Variants in CCBE1 observed in about 807,000 individuals in gnomAD.
The protein encoded by CCBE1 is collagen and calcium binding EGF domains 1.
A neutral mutation model predicts 50.0 loss-of-function variants in CCBE1; 37 were observed. The ratio of observed to expected loss-of-function variants is 0.74; its 90% CI spans 0.57 to 0.97. CCBE1 has a LOEUF of 0.97. Ranked by LOEUF, CCBE1 falls within the 50% of genes least tolerant of loss-of-function variation. CCBE1 has a pLI of 0.00. For missense variants in CCBE1, 538 were observed against 523.8 expected (o/e 1.03, Z -0.26); for synonymous variants, 234 against 203.7 (o/e 1.15, Z -1.27).
In CCBE1 at chr18:59,655,085, CA is replaced by C. The variant is rs10646215; in HGVS notation, c.212+41543del. On this transcript the variant is annotated intron_variant, in intron 2 of 10. Coordinates refer to ENST00000439986, the MANE Select transcript of CCBE1 (RefSeq NM_133459.4). ...CTGGGCGACACCACTGAGACTATGTCAAAAAAAAAAAAAAAGCCCAGAGAAA... is the reference window on the plus strand; with the variant it reads ...CTGGGCGACACCACTGAGACTATGTCAAAAAAAAAAAAAAGCCCAGAGAAA... Among the ~76,000 whole-genome samples, 1,129 of 122,644 alleles carry C rather than the reference CA, an allele frequency of 9.2e-3. 10 individuals are homozygous for C. Among genetic ancestry groups the C allele is most frequent in the African/African-American group, 0.03 (944 of 31,930 alleles). 80.5% of individuals were successfully genotyped at this position (122,644 alleles called of 152,430 possible).
chr18:59,696,349 A>G (rs2054803551), intron 2 of CCBE1: 1 of 672,566 alleles, frequency 1.5e-6, no homozygotes, highest in East Asian at 3.9e-5. Flanking sequence ...ATCCAATCCA[A>G]TCTCCTTCAC....
At chr18:59,528,323 T>C (rs764741718) in intron 2 of CCBE1, among the ~76,000 whole-genome samples, 6 of 151,766 alleles carry the variant, frequency 4.0e-5, no homozygotes, top group Non-Finnish European at 8.8e-5. Context: ...ATCAGATCAT[T>C]TATGTTCCCA....
chr18:59,664,278 G>C (rs1314676311), intron 2 of CCBE1, among the ~76,000 whole-genome samples: 1 of 152,110 alleles, frequency 6.6e-6, no homozygotes. Flanking sequence ...TAGAGGTTAG[G>C]TTTCAACATG....
chr18:59,504,832 C>G (rs1464436085), intron 2 of CCBE1, among the ~76,000 whole-genome samples: 1 of 152,160 alleles, frequency 6.6e-6, no homozygotes, highest in Non-Finnish European at 1.5e-5. Flanking sequence ...AAGCCAAGCA[C>G]ACAGCGACCT....
At chr18:59,620,134 C>A (rs1314024356) in intron 2 of CCBE1, among the ~76,000 whole-genome samples, 2 of 152,156 alleles carry the variant, frequency 1.3e-5, no homozygotes, top group Non-Finnish European at 2.9e-5. Flanking sequence ...GAAAAAGAGA[C>A]ACAGTTTTCC....
intron 2 of CCBE1, among the ~76,000 whole-genome samples, chr18:59,594,065 C>G (rs184428960): frequency 6.6e-6 from 1 of 152,352 alleles, no homozygotes; most frequent in African/African-American, 2.4e-5. Flanking sequence ...GTTTGCTTCA[C>G]CAGCAAGCCA....
intron 2 of CCBE1, among the ~76,000 whole-genome samples, chr18:59,571,785 A>C (rs570662416): frequency 4.6e-5 from 7 of 152,340 alleles, no homozygotes; most frequent in Admixed American, 2.6e-4. Context: ...CAGAAGAGTC[A>C]TTCTCTCAAA....
In CCBE1 at chr18:59,558,108, C is replaced by T. The variant is rs141834533; in HGVS notation, c.213-77870G>A. ...TCTCCTTTCTAAGGGATTGTCAAGG[C>T]CCCTTTCTTAACATCATTCGCAATT... On this transcript the variant is annotated intron_variant, in intron 2 of 10. Transcript: ENST00000439986. 5.2e-4 allele frequency among the ~76,000 whole-genome samples: 79 copies of T among 152,290 alleles called. 1 individual carries two copies. The highest frequency in any genetic ancestry group is 3.9e-4 in the Admixed American group (6 of 15,306).
chr18:59,454,820 G>T, intron 6 of CCBE1, 31 bp downstream of exon 6: 1 of 1,565,184 alleles, frequency 6.4e-7, no homozygotes, highest in Non-Finnish European at 8.8e-7. Context: ...CTTCCATCAG[G>T]CATCATCGTT....
chr18:59,651,133 G>T (rs2054121785), intron 2 of CCBE1, among the ~76,000 whole-genome samples: 1 of 152,238 alleles, frequency 6.6e-6, no homozygotes, highest in Non-Finnish European at 1.5e-5. Context: ...TTCTTCAAAG[G>T]TATGAATAGA....
intron 2 of CCBE1, among the ~76,000 whole-genome samples, chr18:59,615,691 C>A (rs889021450): frequency 1.1e-4 from 16 of 152,116 alleles, no homozygotes; most frequent in African/African-American, 3.9e-4. Flanking sequence ...CTGCCTCGTT[C>A]CATAAGGTAT....
chr18:59,600,975 T>C (rs2053420244), intron 2 of CCBE1, among the ~76,000 whole-genome samples: 1 of 149,214 alleles, frequency 6.7e-6, no homozygotes, highest in Admixed American at 6.7e-5. Context: ...CATTCTGTAC[T>C]ATGGATAGGG....
intron 2 of CCBE1, among the ~76,000 whole-genome samples, chr18:59,513,654 G>A (rs568017969): frequency 6.6e-6 from 1 of 152,338 alleles, no homozygotes; most frequent in East Asian, 1.9e-4. Flanking sequence ...ATCTCGAGGT[G>A]ACAGAGAAGA....
chr18:59,631,080 G>A lies in CCBE1; in HGVS notation c.212+65549C>T, dbSNP rs562069812. ...GATGACTTTTCCTGTCATCTCATGC[G>A]ATTCAGGTGGTCCCATGACCTAGAT... On this transcript the variant is annotated intron_variant, in intron 2 of 10. Coordinates refer to ENST00000439986, the MANE Select transcript of CCBE1 (RefSeq NM_133459.4). Among the ~76,000 whole-genome samples, 251 of 152,160 alleles carry A rather than the reference G, an allele frequency of 1.6e-3. 3 individuals are homozygous for A. The highest frequency in any genetic ancestry group is 5.3e-3 in the African/African-American group (221 of 41,508).
At chr18:59,541,559 G>A (rs1189124368) in intron 2 of CCBE1, among the ~76,000 whole-genome samples, 1 of 152,154 alleles carries the variant, frequency 6.6e-6, no homozygotes, top group East Asian at 1.9e-4. Flanking sequence ...CAGAAAAGGG[G>A]GGTATAGTTC....
intron 1 of CCBE1, 84 bp from the exon 2 acceptor site, chr18:59,696,793 G>T: frequency 7.0e-7 from 1 of 1,438,752 alleles, no homozygotes; most frequent in Admixed American, 1.7e-5. Context: ...CCTGGCGCGT[G>T]GGGATCGCCA....
At chr18:59,618,743 G>T (rs2053671708) in intron 2 of CCBE1, among the ~76,000 whole-genome samples, 1 of 152,034 alleles carries the variant, frequency 6.6e-6, no homozygotes, top group Non-Finnish European at 1.5e-5. Context: ...AAGTTTCTTT[G>T]CAGCTAAACC....
At chr18:59,462,423 TG>T (rs1911529961) in intron 5 of CCBE1, 1 of 152,176 alleles carries the variant, frequency 6.6e-6, no homozygotes, top group African/African-American at 2.4e-5. Flanking sequence ...CTTTTTTTTT[TG>T]AGACAGGGTG....
chr18:59,628,705 T>C (rs182064393), intron 2 of CCBE1, among the ~76,000 whole-genome samples: 1 of 152,294 alleles, frequency 6.6e-6, no homozygotes, highest in East Asian at 1.9e-4. Flanking sequence ...TCAAGTCAGC[T>C]CCTCACCCGA....
Sources: gnomAD v4.1 joint callset for allele counts (sites outside exome capture counted in the v4.1 genomes callset) on GRCh38, gnomAD v4.1.1 for gene constraint, MANE v1.5 for transcripts, NCBI Gene and HGNC (gene_info 2026-07-23, HGNC 2026-07-21) for gene names.